The following MACROD2 variants were observed in gnomAD, a reference collection of about 807,000 sequenced individuals.
MACROD2 encodes the protein ADP-ribose glycohydrolase MACROD2.
In MACROD2, 36 loss-of-function variants were observed where a neutral mutation model predicts 70.4. The observed-to-expected ratio is 0.51, with a 90% CI of 0.39 to 0.68. MACROD2 has a LOEUF of 0.68. Among genes scored for constraint, MACROD2 ranks in the 30% least tolerant of loss-of-function variants. The probability of loss-of-function intolerance (pLI) is 0.00; values close to 1 mark genes in which losing one functional copy is unlikely to be tolerated. For synonymous variants in MACROD2, 172 were observed against 178.8 expected (o/e 0.96, Z 0.30); for missense variants, 496 against 538.4 (o/e 0.92, Z 0.78).
chr20:14,284,973 A>T (rs180738046), intron 3 of MACROD2, among the ~76,000 whole-genome samples: 1 of 152,222 alleles, frequency 6.6e-6, no homozygotes, highest in Admixed American at 6.5e-5. Flanking sequence ...AAACTCTGAA[A>T]AATGTAAATT....
intron 8 of MACROD2, among the ~76,000 whole-genome samples, chr20:15,736,157 T>C (rs2051017354): frequency 6.6e-6 from 1 of 152,206 alleles, no homozygotes; most frequent in Non-Finnish European, 1.5e-5. Context: ...ATGAATAGCA[T>C]TGCCACATTG....
chr20:15,823,975 G>A (rs2063969261), intron 8 of MACROD2, among the ~76,000 whole-genome samples: 1 of 152,162 alleles, frequency 6.6e-6, no homozygotes, highest in African/African-American at 2.4e-5. Flanking sequence ...TAAGACAACT[G>A]GAGTAACCAG....
intron 3 of MACROD2, among the ~76,000 whole-genome samples, chr20:14,117,621 A>G (rs1379903880): frequency 6.6e-6 from 1 of 151,902 alleles, no homozygotes; most frequent in East Asian, 1.9e-4. Flanking sequence ...TTTTTCCTCT[A>G]CTTTCAGGAA....
intron 6 of MACROD2, among the ~76,000 whole-genome samples, chr20:15,324,721 A>T (rs1331992476): frequency 6.6e-6 from 1 of 152,146 alleles, no homozygotes; most frequent in African/African-American, 2.4e-5. Flanking sequence ...TGTCCTTAGA[A>T]TTTTTAAATA....
chr20:14,312,369 A>C (rs1399181900), intron 3 of MACROD2, among the ~76,000 whole-genome samples: 1 of 152,200 alleles, frequency 6.6e-6, no homozygotes, highest in Non-Finnish European at 1.5e-5. Context: ...TTGAATTGAT[A>C]GTGTTCATTT....
intron 8 of MACROD2, among the ~76,000 whole-genome samples, chr20:15,812,230 A>C (rs1187510592): frequency 6.6e-6 from 1 of 152,218 alleles, no homozygotes; most frequent in African/African-American, 2.4e-5. Context: ...GTGGGCTTCC[A>C]GCAAATGCCT....
intron 8 of MACROD2, among the ~76,000 whole-genome samples, chr20:15,575,302 A>G (rs1221475346): frequency 1.3e-5 from 2 of 152,214 alleles, no homozygotes; most frequent in Admixed American, 1.3e-4. Context: ...CACAAGGCAC[A>G]TGTATTATAA....
intron 8 of MACROD2, among the ~76,000 whole-genome samples, chr20:15,607,002 C>CAAA (rs35981862): frequency 8.3e-5 from 8 of 95,892 alleles, no homozygotes; most frequent in Non-Finnish European, 1.2e-4. Context: ...AACTCCATCT[C>CAAA]AAAAAAAAAA....
chr20:15,207,445 T>TTG (rs1427500228), intron 5 of MACROD2, among the ~76,000 whole-genome samples: 1 of 135,792 alleles, frequency 7.4e-6, no homozygotes, highest in Non-Finnish European at 1.6e-5. Flanking sequence ...GGTTTTTTTT[T>TTG]TTTTTTTTTT....
chr20:15,438,251 G>A (rs971137912), intron 7 of MACROD2, among the ~76,000 whole-genome samples: 5 of 152,052 alleles, frequency 3.3e-5, no homozygotes, highest in African/African-American at 1.2e-4. Context: ...TTGAGGAGTC[G>A]CCATACTACT....
At chr20:14,561,199 A>T (rs1490023686) in intron 4 of MACROD2, among the ~76,000 whole-genome samples, 1 of 151,874 alleles carries the variant, frequency 6.6e-6, no homozygotes, top group Non-Finnish European at 1.5e-5. Flanking sequence ...TGTAAATTGT[A>T]TATGAACAAT....
At chr20:15,481,308 C>G (rs752003886) in intron 7 of MACROD2, among the ~76,000 whole-genome samples, 1 of 152,122 alleles carries the variant, frequency 6.6e-6, no homozygotes, top group Non-Finnish European at 1.5e-5. Flanking sequence ...TATCTGAATG[C>G]CTTGGTTCAG....
At chr20:14,366,395 G>A (rs1347217365) in intron 3 of MACROD2, among the ~76,000 whole-genome samples, 2 of 138,326 alleles carry the variant, frequency 1.4e-5, no homozygotes, top group Non-Finnish European at 3.1e-5. Flanking sequence ...TTGAGACTGA[G>A]TCTCACTCTG....
At chr20:14,535,989 G>A (rs113525308) in intron 4 of MACROD2, among the ~76,000 whole-genome samples, 2,993 of 152,174 alleles carry the variant, frequency 0.02, 111 homozygotes, top group African/African-American at 0.068. Flanking sequence ...ATGGAAACAG[G>A]CCTGTTGGTT....
intron 6 of MACROD2, among the ~76,000 whole-genome samples, chr20:15,366,798 C>T (rs1390902666): frequency 6.6e-6 from 1 of 151,798 alleles, no homozygotes; most frequent in African/African-American, 2.4e-5. Flanking sequence ...TGGGTTCAAA[C>T]AATCCTCCAG....
chr20:15,159,314 C>T (rs1180882463), intron 5 of MACROD2, among the ~76,000 whole-genome samples: 1 of 152,006 alleles, frequency 6.6e-6, no homozygotes, highest in Non-Finnish European at 1.5e-5. Context: ...CATTCTCTGC[C>T]TTTTTTTCCC....
chr20:14,340,020 A>G (rs2082997112), intron 3 of MACROD2, among the ~76,000 whole-genome samples: 1 of 152,196 alleles, frequency 6.6e-6, no homozygotes, highest in Non-Finnish European at 1.5e-5. Context: ...AGTATGTACA[A>G]TCTCTGGAAA....
intron 3 of MACROD2, among the ~76,000 whole-genome samples, chr20:14,317,543 G>T (rs1200437034): frequency 6.6e-6 from 1 of 151,438 alleles, no homozygotes; most frequent in Non-Finnish European, 1.5e-5. Context: ...TTGAACCTGG[G>T]AGGTGGAGGT....
intron 6 of MACROD2, among the ~76,000 whole-genome samples, chr20:15,241,703 G>A (rs1387600712): frequency 6.8e-6 from 1 of 146,168 alleles, no homozygotes; most frequent in Non-Finnish European, 1.5e-5. Flanking sequence ...TCCAGAAACA[G>A]CTTCTCAAGC....
Sources: gnomAD v4.1 joint callset for allele counts (sites outside exome capture counted in the v4.1 genomes callset) on GRCh38, gnomAD v4.1.1 for gene constraint, MANE v1.5 for transcripts, NCBI Gene and HGNC (gene_info 2026-07-23, HGNC 2026-07-21) for gene names.